The following SVEP1 variants were observed in gnomAD, a reference collection of about 807,000 sequenced individuals.
SVEP1 encodes sushi, von Willebrand factor type A, EGF and pentraxin domain containing 1, also known as sushi, von Willebrand factor type A, EGF and pentraxin domain-containing protein 1.
Under a neutral mutation model 367.3 loss-of-function variants are expected in SVEP1, and 164 were observed. The ratio of observed to expected loss-of-function variants is 0.45; its 90% CI spans 0.39 to 0.51. SVEP1 has a LOEUF of 0.51. Ranked by LOEUF, SVEP1 falls within the 20% of genes least tolerant of loss-of-function variation. SVEP1 has a pLI of 0.00. For missense variants in SVEP1, 4,117 were observed against 4,425.3 expected, an observed-to-expected ratio of 0.93 and a Z score of 1.98; for synonymous variants, 1,666 against 1,611.6, an observed-to-expected ratio of 1.03 and a Z score of -0.81.
At chr9:110,404,229 A>T (rs935376192) in intron 39 of SVEP1, 98 bp downstream of exon 39, 1 of 1,198,460 alleles carries the variant, frequency 8.3e-7, no homozygotes, top group East Asian at 2.4e-5. Context: ...AAAACTTCAG[A>T]CTTTTTTTTC....
At chr9:110,441,524 T>G (rs1171606051) in intron 27 of SVEP1, among the ~76,000 whole-genome samples, 2 of 152,236 alleles carry the variant, frequency 1.3e-5, no homozygotes, top group Non-Finnish European at 2.9e-5. Context: ...AACACTCAGA[T>G]GTTGCCTTAC....
chr9:110,426,740 C>T (rs1161786928), intron 36 of SVEP1, among the ~76,000 whole-genome samples: 1 of 152,134 alleles, frequency 6.6e-6, no homozygotes, highest in Non-Finnish European at 1.5e-5. Flanking sequence ...AACTGATCAT[C>T]CCAAAGGGAG....
chr9:110,577,544 G>A (rs1455205540), intron 1 of SVEP1, among the ~76,000 whole-genome samples: 1 of 152,096 alleles, frequency 6.6e-6, no homozygotes, highest in Middle Eastern at 3.2e-3. Context: ...GGAAATGAGA[G>A]AGCTATTCTA....
intron 9 of SVEP1, among the ~76,000 whole-genome samples, chr9:110,484,520 G>C (rs1279655590): frequency 6.6e-6 from 1 of 152,140 alleles, no homozygotes. Context: ...TACCATTCAG[G>C]ACATAGGCAG....
intron 6 of SVEP1, among the ~76,000 whole-genome samples, chr9:110,500,758 G>A (rs1486745239): frequency 6.6e-6 from 1 of 151,730 alleles, no homozygotes; most frequent in African/African-American, 2.4e-5. Flanking sequence ...TTCCTTAATT[G>A]TAATCTGTAT....
intron 40 of SVEP1, among the ~76,000 whole-genome samples, chr9:110,390,029 ATATATATATAAGTATATATACACG>A (rs900059724): frequency 0.015 from 1,512 of 98,386 alleles, 41 homozygotes; most frequent in African/African-American, 0.041. Flanking sequence ...GTGTGTGTGT[ATATATATATAAGTATATATACACG>A]TATATATATA....
At chr9:110,541,849 ATATATATCTATATACATAGATATC>A (rs1830152910) in intron 3 of SVEP1, among the ~76,000 whole-genome samples, 5 of 140,316 alleles carry the variant, frequency 3.6e-5, no homozygotes, top group Non-Finnish European at 6.1e-5. Context: ...ATAGATATCT[ATATATATCTATATACATAGATATC>A]TATATATATC....
chr9:110,511,488 C>CTTTTTTTTTTTTTTTTTTTTTTTTTTTTT lies in SVEP1; in HGVS notation c.1303+1409_1303+1437dup, dbSNP rs199993986. On this transcript the variant is annotated intron_variant, in intron 5 of 47. Coordinates refer to ENST00000374469, the MANE Select transcript of SVEP1 (RefSeq NM_153366.4). ...CTAGGTCCATTCATTGTGTCAGTAC[C>CTTTTTTTTTTTTTTTTTTTTTTTTTTTTT]TTTTTTTTTTTTTTTTTTTTTTTTT... Among the ~76,000 whole-genome samples the CTTTTTTTTTTTTTTTTTTTTTTTTTTTTT allele has an allele frequency of 2.6e-5, 2 of 77,548 alleles. 1 individual carries two copies. The highest frequency in any genetic ancestry group is 9.0e-5 in the African/African-American group (2 of 22,228). The allele number at this position is 77,548 out of a possible 152,430, so 50.9% of individuals were successfully genotyped here. A position where few individuals can be genotyped will look rare whatever the true frequency, so the allele number is the denominator to read the frequency against.
At position 110,411,100 on chromosome 9, in the gene SVEP1, C is replaced by T; in HGVS notation, c.6611G>A (p.Cys2204Tyr). 6.2e-7 allele frequency: 1 copy of T among 1,605,422 alleles called. No individual in the cohort carries two copies. Residue 2204 changes from cysteine to tyrosine, a missense_variant, in exon 37 of 48, where the codon TGT becomes TAT. Around this residue, in one of 4 missense-constraint regions of SVEP1, gnomAD observed 1,765 missense variants for 1,781.1 expected, o/e 0.99. Coordinates refer to ENST00000374469, the MANE Select transcript of SVEP1 (RefSeq NM_153366.4). ...ATTCTCAACCTTAGGTGGTTCACCACAAGATACCGGGTGGCACGTCGGTAT... is the reference window on the plus strand; with the variant it reads ...ATTCTCAACCTTAGGTGGTTCACCATAAGATACCGGGTGGCACGTCGGTAT... The part of the protein sequence containing the change: ...SPIPTCHPVS[C>Y]GEPPKVENGF...
At chr9:110,508,007 C>G (rs1372365089) in intron 5 of SVEP1, among the ~76,000 whole-genome samples, 1 of 152,166 alleles carries the variant, frequency 6.6e-6, no homozygotes, top group African/African-American at 2.4e-5. Context: ...AAAACATATG[C>G]AATAATTCCT....
At position 110,407,629 on chromosome 9, in the gene SVEP1, C is replaced by T. The variant is rs778613996; in HGVS notation, c.7971G>A (p.Val2657=). 6.2e-6 allele frequency: 10 copies of T among 1,613,948 alleles called. No homozygotes were observed. The Admixed American group carries it at 1.5e-4, about 24-fold the overall frequency. The change falls in exon 38 of 48, where the codon GTG becomes GTA. Residue 2657 remains valine, a synonymous_variant. Transcript: ENST00000374469. ...TPHPPYHLGA[V]AKTWENTKES... is the part of the protein sequence containing the mutation. Reference sequence around the variant, plus strand: ...CCTTTGTATTTTCCCAGGTTTTAGCCACTGCTCCCAAATGATAAGGAGGGT... The same window carrying T: ...CCTTTGTATTTTCCCAGGTTTTAGCTACTGCTCCCAAATGATAAGGAGGGT...
chr9:110,368,076 T>TAA (rs965685046), intron 47 of SVEP1, among the ~76,000 whole-genome samples: 1 of 148,272 alleles, frequency 6.7e-6, no homozygotes, highest in Non-Finnish European at 1.5e-5. Flanking sequence ...GACTCTGTCT[T>TAA]AAAAAAAAAA....
chr9:110,408,912 G>C lies in SVEP1; in HGVS notation c.6688C>G (p.Gln2230Glu). 6.2e-7 allele frequency: 1 copy of C among 1,604,376 alleles called. No individual in the cohort carries two copies. The highest frequency in any genetic ancestry group is 8.5e-7 in the Non-Finnish European group (1 of 1,175,164). Reference sequence around the variant, plus strand: ...ACTGACTTATAGCCCGGGTTACACTGATACCTCACTTCACTCTCAAAGATC... The same window carrying C: ...ACTGACTTATAGCCCGGGTTACACTCATACCTCACTTCACTCTCAAAGATC... The part of the protein sequence containing the change: ...GRIFESEVRY[Q>E]CNPGYKSVGS... Residue 2230 changes from glutamine (Q) to glutamate (E), a missense_variant, in exon 38 of 48, where the codon CAG becomes GAG. This residue lies in a region of SVEP1 where 1,765 missense variants were observed against 1,781.1 expected (regional missense o/e 0.99). Transcript: ENST00000374469.
At chr9:110,381,001 G>A (rs1030537111) in intron 43 of SVEP1, among the ~76,000 whole-genome samples, 6 of 152,196 alleles carry the variant, frequency 3.9e-5, no homozygotes, top group Admixed American at 1.3e-4. Flanking sequence ...TAGTTTATGT[G>A]CATAGAAGTG....
At chr9:110,563,597 G>A (rs1187358628) in intron 1 of SVEP1, among the ~76,000 whole-genome samples, 1 of 152,128 alleles carries the variant, frequency 6.6e-6, no homozygotes, top group African/African-American at 2.4e-5. Flanking sequence ...CTGTTGTGTG[G>A]TTGGATAATC....
rs896988278 is a variant in SVEP1 at position 110,404,335 on chromosome 9, C to G, written c.9658G>C (p.Val3220Leu). The G allele has an allele frequency of 5.0e-6, 8 of 1,613,726 alleles. No individual in the cohort carries two copies. The highest frequency in any genetic ancestry group is 6.8e-6 in the Non-Finnish European group (8 of 1,179,802). ...GYTFEGVNIS[V>L]CQLDGTWEPP... ...TTAAGACAGAATCTTACCTGACATA[C>G]TGATATGTTAACTCCCTCAAAGGTA... The change falls in exon 39 of 48, where the codon GTA becomes CTA. Residue 3220 changes from valine (V) to leucine (L), a missense_variant. By Grantham distance (32) the Val-to-Leu change is conservative (BLOSUM62 1). Transcript: ENST00000374469.
At chr9:110,390,021 G>T (rs1386749991) in intron 40 of SVEP1, among the ~76,000 whole-genome samples, 5 of 107,642 alleles carry the variant, frequency 4.6e-5, no homozygotes, top group Admixed American at 1.2e-4. Flanking sequence ...AAGTGTGTGT[G>T]TGTGTGTATA....
intron 1 of SVEP1, among the ~76,000 whole-genome samples, chr9:110,559,431 C>T (rs1029057816): frequency 6.6e-6 from 1 of 151,360 alleles, no homozygotes; most frequent in African/African-American, 2.4e-5. Context: ...AAAACAAAGA[C>T]CAAAAAAAGA....
chr9:110,429,841 C>T (rs1015535779), intron 34 of SVEP1, 79 bp downstream of exon 34: 3 of 1,183,816 alleles, frequency 2.5e-6, no homozygotes, highest in Non-Finnish European at 3.7e-6. Context: ...ATTTTCCCAC[C>T]CCCTTTCTTT....
Sources: gnomAD v4.1 joint callset for allele counts (sites outside exome capture counted in the v4.1 genomes callset) on GRCh38, gnomAD v4.1.1 for gene constraint, gnomAD v4.1.1 regional missense constraint, MANE v1.5 for transcripts, NCBI Gene and HGNC (gene_info 2026-07-23, HGNC 2026-07-21) for gene names.